CELF4: variants seen among roughly 807,000 people sequenced by gnomAD.
The protein encoded by CELF4 is CUGBP Elav-like family member 4, also known as CUG-BP- and ETR-3-like factor 4.
In CELF4, 18 loss-of-function variants were observed where a neutral mutation model predicts 59.9. That is an observed-to-expected ratio of 0.30 (90% CI 0.21 to 0.45). CELF4 has a LOEUF of 0.45. Ranked by LOEUF, CELF4 falls within the 20% of genes least tolerant of loss-of-function variation. CELF4 has a pLI of 1.00. For missense variants in CELF4, 456 were observed against 689.0 expected (o/e 0.66, Z 3.79); for synonymous variants, 261 against 267.1 (o/e 0.98, Z 0.22).
Position 37,511,000 on chromosome 18 carries a change from C to A in CELF4, c.287-25393G>T, listed in dbSNP as rs562201058. 7.9e-5 allele frequency among the ~76,000 whole-genome samples: 12 copies of A among 152,270 alleles called. No individual in the cohort carries two copies. The East Asian group carries it at 2.1e-3, about 27-fold the overall frequency. On this transcript the variant is annotated intron_variant, in intron 1 of 12. Coordinates refer to ENST00000420428, the MANE Select transcript of CELF4 (RefSeq NM_020180.4). ...CAGGGGCACTATTTGTCACCCATCA[C>A]CCCACCTCCTGGTCATCACCATCCC...
intron 2 of CELF4, among the ~76,000 whole-genome samples, chr18:37,422,896 A>G (rs898052254): frequency 5.3e-5 from 8 of 152,218 alleles, no homozygotes; most frequent in African/African-American, 9.6e-5. Context: ...CGCTTCTGCC[A>G]TGAGCACAAC....
At chr18:37,284,284 A>C (rs1423281843) in intron 3 of CELF4, among the ~76,000 whole-genome samples, 1 of 151,584 alleles carries the variant, frequency 6.6e-6, no homozygotes, top group African/African-American at 2.4e-5. Context: ...GACATAACAC[A>C]CACAGACACA....
At chr18:37,550,087 G>GA (rs2099982687) in intron 1 of CELF4, among the ~76,000 whole-genome samples, 1 of 128,876 alleles carries the variant, frequency 7.8e-6, no homozygotes, top group Non-Finnish European at 1.7e-5. Flanking sequence ...AATGGGTGGG[G>GA]GGGGGGGATC....
intron 7 of CELF4, among the ~76,000 whole-genome samples, chr18:37,271,877 A>G (rs1340071297): frequency 6.6e-6 from 1 of 152,282 alleles, no homozygotes; most frequent in Admixed American, 6.5e-5. Flanking sequence ...GGAACCTGAG[A>G]TGTGGATATT....
chr18:37,319,539 C>T (rs946815077), intron 3 of CELF4, among the ~76,000 whole-genome samples: 14 of 152,164 alleles, frequency 9.2e-5, no homozygotes, highest in African/African-American at 3.1e-4. Flanking sequence ...TAAGTCAGTG[C>T]CCTGCTGGGG....
chr18:37,448,503 C>T (rs74869210), intron 2 of CELF4, among the ~76,000 whole-genome samples: 13,193 of 152,306 alleles, frequency 0.087, 627 homozygotes, highest in East Asian at 0.15. Flanking sequence ...CTCAGTGCCA[C>T]GGCAGGGCAT....
intron 2 of CELF4, among the ~76,000 whole-genome samples, chr18:37,339,839 C>A (rs2097925457): frequency 6.6e-6 from 1 of 151,404 alleles, no homozygotes; most frequent in Admixed American, 6.6e-5. Context: ...AATGAATGAA[C>A]ACATAGCAGA....
intron 3 of CELF4, among the ~76,000 whole-genome samples, chr18:37,283,818 T>C (rs1417642070): frequency 7.2e-6 from 1 of 139,002 alleles, no homozygotes; most frequent in East Asian, 2.3e-4. Context: ...GGGTTTGCAT[T>C]GTGGGAGAGG....
chr18:37,307,063 G>C (rs1010309190), intron 3 of CELF4, among the ~76,000 whole-genome samples: 1 of 150,284 alleles, frequency 6.7e-6, no homozygotes, highest in East Asian at 2.0e-4. Context: ...GACAGAGGGG[G>C]CCACCAAGTC....
intron 2 of CELF4, among the ~76,000 whole-genome samples, chr18:37,407,697 G>A (rs2099399516): frequency 6.6e-6 from 1 of 151,958 alleles, no homozygotes; most frequent in South Asian, 2.1e-4. Context: ...CTGGTTCACA[G>A]CCTGCAGTCT....
chr18:37,404,063 G>A (rs116073754), intron 2 of CELF4, among the ~76,000 whole-genome samples: 3 of 152,280 alleles, frequency 2.0e-5, no homozygotes, highest in Admixed American at 6.5e-5. Flanking sequence ...CACCATTCCC[G>A]GATTCCCCTC....
chr18:37,498,612 C>T (rs755115248), intron 1 of CELF4, among the ~76,000 whole-genome samples: 4 of 151,864 alleles, frequency 2.6e-5, no homozygotes, highest in African/African-American at 7.3e-5. Context: ...AATTTTCCCC[C>T]GACCATCCCA....
At chr18:37,531,455 C>T (rs2099969535) in intron 1 of CELF4, among the ~76,000 whole-genome samples, 1 of 152,196 alleles carries the variant, frequency 6.6e-6, no homozygotes, top group Non-Finnish European at 1.5e-5. Flanking sequence ...AAAAATAGCA[C>T]CTCGCTGCTT....
intron 2 of CELF4, among the ~76,000 whole-genome samples, chr18:37,392,424 C>A (rs1462324530): frequency 6.6e-6 from 1 of 152,210 alleles, no homozygotes; most frequent in Non-Finnish European, 1.5e-5. Context: ...GTGGTGAAGC[C>A]TCTTGCTTAG....
intron 10 of CELF4, among the ~76,000 whole-genome samples, chr18:37,263,348 A>T (rs2075854333): frequency 2.0e-5 from 3 of 152,164 alleles, no homozygotes; most frequent in Admixed American, 2.0e-4. Context: ...ATGTTGGACC[A>T]GCAGACTCTT....
chr18:37,434,078 T>A (rs539810472), intron 2 of CELF4, among the ~76,000 whole-genome samples: 2 of 152,334 alleles, frequency 1.3e-5, no homozygotes, highest in South Asian at 4.1e-4. Flanking sequence ...GGGCTTGGTA[T>A]CTGACGCTGG....
intron 2 of CELF4, among the ~76,000 whole-genome samples, chr18:37,470,280 G>A (rs1256881579): frequency 3.3e-5 from 5 of 152,272 alleles, no homozygotes; most frequent in Non-Finnish European, 2.9e-5. Flanking sequence ...AGTGGCTTAC[G>A]AATCCTCTGT....
intron 1 of CELF4, among the ~76,000 whole-genome samples, chr18:37,536,528 A>G (rs2099973654): frequency 6.6e-6 from 1 of 152,146 alleles, no homozygotes; most frequent in Non-Finnish European, 1.5e-5. Flanking sequence ...GCTGCTCGCT[A>G]GCGCCTTTTC....
At chr18:37,299,687 C>T (rs2095875838) in intron 3 of CELF4, among the ~76,000 whole-genome samples, 1 of 152,214 alleles carries the variant, frequency 6.6e-6, no homozygotes, top group Non-Finnish European at 1.5e-5. Context: ...CCCATGGCAA[C>T]CAAAGCCTCA....
Sources: allele counts gnomAD v4.1 joint callset (sites outside exome capture counted in the v4.1 genomes callset), GRCh38; gene constraint gnomAD v4.1.1; transcripts MANE v1.5; gene names NCBI Gene and HGNC (gene_info 2026-07-23, HGNC 2026-07-21).